Variants in RAB38 observed in about 807,000 individuals in gnomAD.
The protein encoded by RAB38 is RAB38, member RAS oncogene family.
Under a neutral mutation model 18.4 loss-of-function variants are expected in RAB38, and 15 were observed. That is an observed-to-expected ratio of 0.82 (90% CI 0.55 to 1.26). RAB38 has a LOEUF of 1.26. Among genes scored for constraint, RAB38 ranks in the 50% most tolerant of loss-of-function variants. RAB38 has a pLI of 0.00. For synonymous variants in RAB38, 101 were observed against 104.4 expected (o/e 0.97, Z 0.20); for missense variants, 294 against 267.4 (o/e 1.10, Z -0.69).
At chr11:87,884,118 G>A in the RAB38 span, among the ~76,000 whole-genome samples, 2 of 151,980 alleles carry the variant, frequency 1.3e-5, no homozygotes, top group Non-Finnish European at 1.5e-5. Flanking sequence ...GACATAAATG[G>A]TCTCTATAAA....
At chr11:87,976,924 TTACATTATACAAGTATATTATAA>T in the RAB38 span, among the ~76,000 whole-genome samples, 6 of 428 alleles carry the variant, frequency 0.014, no homozygotes, top group Non-Finnish European at 0.018. Context: ...TATATTATAA[TTACATTATACAAGTATATTATAA>T]AATATAATTA....
the RAB38 span, among the ~76,000 whole-genome samples, chr11:88,076,346 T>G: frequency 6.6e-6 from 1 of 152,128 alleles, no homozygotes; most frequent in African/African-American, 2.4e-5. Flanking sequence ...TTAATGGCAT[T>G]TCCTCTAAGA....
the RAB38 span, among the ~76,000 whole-genome samples, chr11:87,881,371 A>T: frequency 2.6e-5 from 4 of 151,866 alleles, no homozygotes; most frequent in African/African-American, 9.7e-5. Context: ...CCAGTTGTTA[A>T]TAAAGCAGTT....
At chr11:88,019,645 T>C in the RAB38 span, among the ~76,000 whole-genome samples, 1 of 152,214 alleles carries the variant, frequency 6.6e-6, no homozygotes, top group African/African-American at 2.4e-5. Context: ...TGAACTCATA[T>C]TCTATCAGCC....
chr11:88,095,327 C>T, the RAB38 span, among the ~76,000 whole-genome samples: 1 of 151,824 alleles, frequency 6.6e-6, no homozygotes, highest in African/African-American at 2.4e-5. Flanking sequence ...TTATTCTCTA[C>T]TGAAACTCTT....
chr11:88,136,661 C>G (rs1220066642), intron 2 of RAB38, among the ~76,000 whole-genome samples: 2 of 152,050 alleles, frequency 1.3e-5, no homozygotes, highest in Admixed American at 6.6e-5. Context: ...TTTTAGAAAT[C>G]TAAAAGTAAT....
the RAB38 span, among the ~76,000 whole-genome samples, chr11:88,012,582 A>C: frequency 6.6e-6 from 1 of 152,202 alleles, no homozygotes; most frequent in Admixed American, 6.5e-5. Context: ...ATCAACAATT[A>C]ACAAGGCTCC....
At chr11:87,933,710 A>G in the RAB38 span, among the ~76,000 whole-genome samples, 6 of 151,114 alleles carry the variant, frequency 4.0e-5, no homozygotes, top group Non-Finnish European at 8.9e-5. Context: ...ATGGAGCCAA[A>G]AAAAAAAAAA....
chr11:87,943,177 G>A, the RAB38 span, among the ~76,000 whole-genome samples: 1 of 152,116 alleles, frequency 6.6e-6, no homozygotes, highest in Non-Finnish European at 1.5e-5. Context: ...CTATTTTGGA[G>A]ATGTCTCTAA....
chr11:87,812,461 T>C, the RAB38 span, among the ~76,000 whole-genome samples: 1 of 152,154 alleles, frequency 6.6e-6, no homozygotes, highest in Non-Finnish European at 1.5e-5. Flanking sequence ...GAAGGAGACA[T>C]GTAGTCGTAT....
rs1220806006 is a variant in RAB38 at position 88,175,374 on chromosome 11, G to T, written c.11C>A (p.Pro4Gln). The change falls in exon 1 of 3, where the codon CCG becomes CAG. Residue 4 changes from proline (P) to glutamine (Q), a missense_variant. Pro to Gln is a moderately conservative substitution (Grantham distance 76). Coordinates refer to ENST00000243662, the MANE Select transcript of RAB38 (RefSeq NM_022337.3). The part of the protein sequence containing the change: MQA[P>Q]HKEHLYKLLV... ...CAACTTGTACAGGTGCTCCTTGTGC[G>T]GGGCCTGCATCCTGGCGGCCGGCCA... 2 of 1,613,996 alleles carry T rather than the reference G, an allele frequency of 1.2e-6. No individual in the cohort carries two copies. Among genetic ancestry groups the T allele is most frequent in the African/African-American group, 1.3e-5 (1 of 74,942 alleles).
At chr11:88,037,588 C>A in the RAB38 span, among the ~76,000 whole-genome samples, 1 of 152,066 alleles carries the variant, frequency 6.6e-6, no homozygotes, top group African/African-American at 2.4e-5. Flanking sequence ...ATCGCCACTA[C>A]CATTTCTGTC....
chr11:87,849,635 T>C, the RAB38 span, among the ~76,000 whole-genome samples: 1 of 152,246 alleles, frequency 6.6e-6, no homozygotes, highest in East Asian at 1.9e-4. Context: ...GTGAATATCT[T>C]TGGGTGTTGT....
At chr11:88,027,930 T>A in the RAB38 span, among the ~76,000 whole-genome samples, 1 of 152,160 alleles carries the variant, frequency 6.6e-6, no homozygotes, top group Non-Finnish European at 1.5e-5. Flanking sequence ...CCTCCTCAAG[T>A]GGGTCCCTGA....
chr11:87,944,181 C>A, the RAB38 span, among the ~76,000 whole-genome samples: 1 of 152,072 alleles, frequency 6.6e-6, no homozygotes, highest in Non-Finnish European at 1.5e-5. Flanking sequence ...TACTTTATTG[C>A]TAAAAATGCT....
downstream of RAB38, among the ~76,000 whole-genome samples, chr11:88,108,585 A>C (rs549469293): frequency 3.3e-5 from 5 of 151,958 alleles, 1 homozygote; most frequent in East Asian, 9.7e-4. Flanking sequence ...ATGGGTCTTG[A>C]CTCTTTATCC....
chr11:87,823,793 C>CA, the RAB38 span, among the ~76,000 whole-genome samples: 1 of 151,816 alleles, frequency 6.6e-6, no homozygotes, highest in African/African-American at 2.4e-5. Flanking sequence ...TATGTTCATA[C>CA]AATGGAATAC....
chr11:88,142,807 T>C (rs772108114), intron 2 of RAB38, among the ~76,000 whole-genome samples: 25 of 152,366 alleles, frequency 1.6e-4, no homozygotes, highest in Admixed American at 3.3e-4. Flanking sequence ...TAGGTAGTTC[T>C]GACAACGGCT....
chr11:88,143,780 G>A (rs968859153), intron 2 of RAB38, among the ~76,000 whole-genome samples: 1 of 152,176 alleles, frequency 6.6e-6, no homozygotes, highest in African/African-American at 2.4e-5. Flanking sequence ...GCAACACCCT[G>A]CCTTCTACAA....
Sources: allele counts gnomAD v4.1 joint callset (sites outside exome capture counted in the v4.1 genomes callset), GRCh38; gene constraint gnomAD v4.1.1; transcripts MANE v1.5; gene names NCBI Gene and HGNC (gene_info 2026-07-23, HGNC 2026-07-21).